CTNND2: variants seen among roughly 807,000 people sequenced by gnomAD.
The protein encoded by CTNND2 is catenin delta 2, also known as catenin delta-2.
In CTNND2, 22 loss-of-function variants were observed where a neutral mutation model predicts 144.4. That is an observed-to-expected ratio of 0.15 (90% CI 0.11 to 0.22). The LOEUF is 0.22. Among genes scored for constraint, CTNND2 ranks in the 10% least tolerant of loss-of-function variants. The pLI is 1.00. For missense variants in CTNND2, 1,353 were observed against 1,618.8 expected (o/e 0.84, Z 2.82); for synonymous variants, 751 against 695.6 (o/e 1.08, Z -1.25).
intron 1 of CTNND2, among the ~76,000 whole-genome samples, chr5:11,831,535 G>C (rs1038873485): frequency 7.9e-5 from 12 of 151,996 alleles, no homozygotes; most frequent in Non-Finnish European, 5.9e-5. Context: ...AGGTGTGCTG[G>C]CGGGCGCCTG....
chr5:11,428,184 C>G (rs1411342004), intron 3 of CTNND2, among the ~76,000 whole-genome samples: 1 of 152,174 alleles, frequency 6.6e-6, no homozygotes, highest in East Asian at 1.9e-4. Flanking sequence ...GGGACACAGC[C>G]AAACCATATC....
intron 1 of CTNND2, among the ~76,000 whole-genome samples, chr5:11,803,526 C>T (rs572780277): frequency 1.3e-5 from 2 of 152,246 alleles, no homozygotes; most frequent in South Asian, 2.1e-4. Context: ...GAGGTAGACG[C>T]TATAGGATTT....
At chr5:11,444,920 C>A (rs1764670313) in intron 3 of CTNND2, among the ~76,000 whole-genome samples, 1 of 152,216 alleles carries the variant, frequency 6.6e-6, no homozygotes, top group East Asian at 1.9e-4. Flanking sequence ...ATGAGGGGAT[C>A]AGCTGAGGGC....
chr5:11,840,315 CATTA>C (rs1465021136), intron 1 of CTNND2, among the ~76,000 whole-genome samples: 3 of 152,084 alleles, frequency 2.0e-5, no homozygotes, highest in East Asian at 1.9e-4. Context: ...CTTTGTCAAA[CATTA>C]ATTGTTTACT....
intron 9 of CTNND2, among the ~76,000 whole-genome samples, chr5:11,317,719 A>G (rs1398676871): frequency 6.6e-5 from 10 of 152,158 alleles, no homozygotes; most frequent in Admixed American, 6.5e-4. Flanking sequence ...TAGGTAATGC[A>G]GTCTTTGAAA....
intron 9 of CTNND2, among the ~76,000 whole-genome samples, chr5:11,306,464 T>A (rs920086976): frequency 1.3e-5 from 2 of 152,172 alleles, no homozygotes; most frequent in Non-Finnish European, 2.9e-5. Flanking sequence ...GGAGCTATCA[T>A]GGGGTGGATC....
intron 2 of CTNND2, among the ~76,000 whole-genome samples, chr5:11,698,254 A>G (rs1298205380): frequency 6.6e-6 from 1 of 152,094 alleles, no homozygotes; most frequent in African/African-American, 2.4e-5. Context: ...GAAGATAAAT[A>G]ATTGTATTTC....
chr5:11,181,759 T>C (rs1351334367), intron 11 of CTNND2, among the ~76,000 whole-genome samples: 1 of 75,106 alleles, frequency 1.3e-5, no homozygotes. Context: ...GATGTGTGTA[T>C]GTGTGTGTGT....
chr5:11,270,123 A>C (rs952789051), intron 9 of CTNND2, among the ~76,000 whole-genome samples: 8 of 152,166 alleles, frequency 5.3e-5, no homozygotes, highest in Non-Finnish European at 8.8e-5. Flanking sequence ...ATGAATACTG[A>C]AATTTACTAG....
intron 3 of CTNND2, among the ~76,000 whole-genome samples, chr5:11,564,416 A>G (rs1449669631): frequency 6.6e-6 from 1 of 152,232 alleles, no homozygotes; most frequent in East Asian, 1.9e-4. Flanking sequence ...TATATATTTC[A>G]TAATCTCAAA....
At chr5:11,172,455 ATCT>A (rs1460305459) in intron 11 of CTNND2, among the ~76,000 whole-genome samples, 1 of 152,216 alleles carries the variant, frequency 6.6e-6, no homozygotes, top group African/African-American at 2.4e-5. Context: ...AGTTGACAAA[ATCT>A]TCTTTGGGTC....
At chr5:11,874,767 A>G (rs1735426903) in intron 1 of CTNND2, among the ~76,000 whole-genome samples, 1 of 152,230 alleles carries the variant, frequency 6.6e-6, no homozygotes, top group African/African-American at 2.4e-5. Flanking sequence ...GACTGTGGAT[A>G]ACTGAAACCT....
intron 2 of CTNND2, among the ~76,000 whole-genome samples, chr5:11,724,707 T>C (rs558190680): frequency 1.3e-5 from 2 of 152,212 alleles, no homozygotes; most frequent in African/African-American, 4.8e-5. Flanking sequence ...GTCAAAACTA[T>C]ATGTGGAATT....
intron 2 of CTNND2, among the ~76,000 whole-genome samples, chr5:11,659,213 A>G (rs1218921745): frequency 6.6e-6 from 1 of 152,162 alleles, no homozygotes; most frequent in Non-Finnish European, 1.5e-5. Context: ...TTTACATTGT[A>G]TTAGGTATTA....
chr5:11,254,052 A>G (rs1374190638), intron 9 of CTNND2, among the ~76,000 whole-genome samples: 1 of 152,250 alleles, frequency 6.6e-6, no homozygotes, highest in African/African-American at 2.4e-5. Context: ...ACGGGTATTT[A>G]GAAAATGATG....
intron 1 of CTNND2, among the ~76,000 whole-genome samples, chr5:11,898,308 T>C (rs1020448052): frequency 4.6e-5 from 7 of 152,216 alleles, no homozygotes; most frequent in African/African-American, 1.7e-4. Flanking sequence ...AAAGTAACTA[T>C]ATACCTTTCT....
chr5:11,864,735 G>T (rs1795664059), intron 1 of CTNND2, among the ~76,000 whole-genome samples: 1 of 152,094 alleles, frequency 6.6e-6, no homozygotes, highest in South Asian at 2.1e-4. Flanking sequence ...GCCCTGCCAT[G>T]CCTCCTCCAC....
At chr5:11,497,713 A>C (rs768101565) in intron 3 of CTNND2, among the ~76,000 whole-genome samples, 1 of 152,136 alleles carries the variant, frequency 6.6e-6, no homozygotes, top group South Asian at 2.1e-4. Context: ...TCTAGTGTGT[A>C]TAAGTCAGAA....
intron 12 of CTNND2, among the ~76,000 whole-genome samples, chr5:11,153,528 C>T (rs1232874002): frequency 6.6e-6 from 1 of 152,156 alleles, no homozygotes; most frequent in African/African-American, 2.4e-5. Flanking sequence ...GTGTGATTAT[C>T]ATTAACATTA....
Sources: allele counts gnomAD v4.1 joint callset (sites outside exome capture counted in the v4.1 genomes callset), GRCh38; gene constraint gnomAD v4.1.1; transcripts MANE v1.5; gene names NCBI Gene and HGNC (gene_info 2026-07-23, HGNC 2026-07-21).